MGA: variants seen among roughly 807,000 people sequenced by gnomAD.
The protein encoded by MGA is MAX gene-associated protein.
A neutral mutation model predicts 261.1 loss-of-function variants in MGA; 40 were observed. That is an observed-to-expected ratio of 0.15 (90% CI 0.12 to 0.20). The LOEUF (loss-of-function observed/expected upper bound fraction) is 0.20, where lower values mean the gene tolerates loss of function less well. Ranked by LOEUF, MGA falls within the 10% of genes least tolerant of loss-of-function variation. The pLI is 1.00. For missense variants in MGA, 3,397 were observed against 3,630.5 expected, an observed-to-expected ratio of 0.94 and a Z score of 1.65; for synonymous variants, 1,302 against 1,290.6, an observed-to-expected ratio of 1.01 and a Z score of -0.19.
intron 20 of MGA, 70 bp from the exon 21 acceptor site, chr15:41,761,669 T>C (rs2063467433): frequency 2.5e-6 from 2 of 801,212 alleles, no homozygotes; most frequent in Non-Finnish European, 3.7e-6. Context: ...TTAGAGAAAT[T>C]GTATAGGCCT....
intron 9 of MGA, among the ~76,000 whole-genome samples, chr15:41,718,154 CAG>C (rs1370928044): frequency 6.6e-6 from 1 of 150,918 alleles, no homozygotes; most frequent in East Asian, 1.9e-4. Context: ...TGCCATATAA[CAG>C]ATTAAATGAG....
chr15:41,743,116 C>G lies in MGA; in HGVS notation c.5156C>G (p.Ser1719Cys), dbSNP rs2062211458. The change falls in exon 15 of 24, where the codon TCT (serine) becomes TGT (cysteine). Residue 1719 changes from serine to cysteine, a missense_variant. This residue lies in a region of MGA where 1,410 missense variants were observed against 1,386.4 expected (regional missense o/e 1.02). Transcript: ENST00000219905. Reference sequence around the variant, plus strand: ...ACCACACCAACTTCATCTCTGGGCTCTGTTCCTATTATACTCTCAGGAATT... The same window carrying G: ...ACCACACCAACTTCATCTCTGGGCTGTGTTCCTATTATACTCTCAGGAATT... 3 of 1,613,678 alleles carry G rather than the reference C, an allele frequency of 1.9e-6. No individual in the cohort carries two copies. Among genetic ancestry groups the G allele is most frequent in the Middle Eastern group, 1.7e-4 (1 of 6,060 alleles).
chr15:41,635,955 A>G (rs1595549475), intron 1 of MGA, among the ~76,000 whole-genome samples: 1 of 152,208 alleles, frequency 6.6e-6, no homozygotes, highest in East Asian at 1.9e-4. Context: ...AATTACATAT[A>G]GTATATAATA....
rs371925319 is a variant in MGA, at chr15:41,750,355, C to T, written c.6748C>T (p.Pro2250Ser). 72 of 1,613,950 alleles carry T rather than the reference C, an allele frequency of 4.5e-5. No homozygotes were observed. The South Asian group carries it at 7.4e-4, about 16-fold the overall frequency. Reference sequence around the variant, plus strand: ...TGATTCTTGGAGTAGGATTTCTAATCCTTCAGCCTTCTCCATTGTTCCTAG... The same window carrying T: ...TGATTCTTGGAGTAGGATTTCTAATTCTTCAGCCTTCTCCATTGTTCCTAG... The change falls in exon 17 of 24, where the codon CCT becomes TCT. Residue 2250 changes from proline (P) to serine (S), a missense_variant. Physicochemically the swap from Pro to Ser is moderately conservative, Grantham distance 74. Around this residue, in one of 9 missense-constraint regions of MGA, gnomAD observed 1,410 missense variants for 1,386.4 expected, o/e 1.02. Coordinates refer to ENST00000219905, the MANE Select transcript of MGA (RefSeq NM_001164273.2).
rs1317644203 is a variant in MGA at position 41,769,446 on chromosome 15, A to G, written c.*2166A>G. 1.3e-5 allele frequency: 2 copies of G among 152,160 alleles called. No homozygotes were observed. The highest frequency in any genetic ancestry group is 3.4e-3 in the Middle Eastern group (1 of 294). The allele number at this position is 152,160 out of a possible 1,614,324, so 9.4% of individuals were successfully genotyped here. ...TTTTAGGGGGAAGGCTGCAGATACC[A>G]TTCTAACCCCCAAGATACTGTGTTC... On this transcript the variant is annotated 3_prime_UTR_variant, in exon 24 of 24. Coordinates refer to ENST00000219905, the MANE Select transcript of MGA (RefSeq NM_001164273.2).
rs527913668 is a variant in MGA, at chr15:41,693,046, C to T, written c.1065-3029C>T. ...ACAGATGAGGTTTCACCATGTTGCC[C>T]CCAGAGTGGTCTCAAACTCCTGAGC... is the stretch of plus-strand genomic sequence containing the variant. On this transcript the variant is annotated intron_variant, in intron 2 of 23. Coordinates refer to ENST00000219905, the MANE Select transcript of MGA (RefSeq NM_001164273.2). 2.0e-5 allele frequency among the ~76,000 whole-genome samples: 3 copies of T among 152,178 alleles called. No homozygotes were observed. The South Asian group carries it at 6.2e-4, about 32-fold the overall frequency.
At chr15:41,627,010 G>A (rs993333250) in intron 1 of MGA, among the ~76,000 whole-genome samples, 5 of 152,076 alleles carry the variant, frequency 3.3e-5, no homozygotes, top group Admixed American at 3.3e-4. Flanking sequence ...AATAACAGGT[G>A]ATTCTCGTGT....
chr15:41,718,235 A>G, intron 9 of MGA: 2 of 199,252 alleles, frequency 1.0e-5, no homozygotes, highest in Non-Finnish European at 2.0e-5. Context: ...CAAGATATAT[A>G]TCTATCTCAC....
chr15:41,655,200 A>T, intron 1 of MGA, among the ~76,000 whole-genome samples: 1 of 142,134 alleles, frequency 7.0e-6, no homozygotes, highest in African/African-American at 2.6e-5. Flanking sequence ...TTTTTTTGAG[A>T]CAGAGTCTTG....
intron 19 of MGA, among the ~76,000 whole-genome samples, chr15:41,759,226 T>A (rs1427739201): frequency 6.6e-6 from 1 of 152,106 alleles, no homozygotes; most frequent in Admixed American, 6.6e-5. Flanking sequence ...TGGTAAGACA[T>A]AAGAGTGATG....
chr15:41,645,037 A>G (rs2056908317), intron 1 of MGA, among the ~76,000 whole-genome samples: 1 of 152,242 alleles, frequency 6.6e-6, no homozygotes, highest in Admixed American at 6.5e-5. Context: ...CATTTTGGTA[A>G]TACATGTCTA....
chr15:41,758,458 AGTTT>A (rs969022887), intron 19 of MGA, among the ~76,000 whole-genome samples: 28 of 152,196 alleles, frequency 1.8e-4, no homozygotes, highest in African/African-American at 6.5e-4. Context: ...ATCATAGTGC[AGTTT>A]GTTTGGTTTT....
intron 18 of MGA, among the ~76,000 whole-genome samples, chr15:41,757,256 C>T (rs2063206313): frequency 2.0e-5 from 3 of 152,088 alleles, no homozygotes; most frequent in Admixed American, 2.0e-4. Context: ...TGGATTCACC[C>T]AACTGTGGAT....
chr15:41,709,527 C>A (rs750216192), intron 7 of MGA, among the ~76,000 whole-genome samples: 3 of 152,024 alleles, frequency 2.0e-5, no homozygotes, highest in Non-Finnish European at 4.4e-5. Flanking sequence ...TCACTGCAGC[C>A]TTGACCTCCT....
At chr15:41,746,544 CAAAAAA>C (rs869061461) in intron 15 of MGA, among the ~76,000 whole-genome samples, 1 of 61,852 alleles carries the variant, frequency 1.6e-5, no homozygotes, top group Admixed American at 1.8e-4. Flanking sequence ...GACTTCGTCT[CAAAAAA>C]AAAAAAAAAA....
At chr15:41,708,598 C>A (rs967840803) in intron 7 of MGA, among the ~76,000 whole-genome samples, 1 of 152,172 alleles carries the variant, frequency 6.6e-6, no homozygotes, top group Non-Finnish European at 1.5e-5. Flanking sequence ...GGATTACAGG[C>A]GTGAGCTGCC....
chr15:41,664,514 C>G (rs1036604403), intron 1 of MGA, among the ~76,000 whole-genome samples: 1 of 152,138 alleles, frequency 6.6e-6, no homozygotes, highest in African/African-American at 2.4e-5. Context: ...GGCACCTTTT[C>G]ATGTAATTTA....
chr15:41,661,706 T>C lies in MGA; in HGVS notation c.-68+1181T>C, dbSNP rs1260371110. On this transcript the variant is annotated intron_variant, in intron 1 of 23. Transcript: ENST00000219905. ...GTTGTTGTAGAGCTTGCCAGGCTTA[T>C]GCGGCTGAGTCCCTGGTTAACAACT... 2.0e-5 allele frequency among the ~76,000 whole-genome samples: 3 copies of C among 152,230 alleles called. No individual in the cohort carries two copies. The East Asian group carries it at 5.8e-4, about 29-fold the overall frequency.
intron 15 of MGA, among the ~76,000 whole-genome samples, chr15:41,746,619 T>C (rs1315642704): frequency 6.6e-6 from 1 of 151,402 alleles, no homozygotes; most frequent in East Asian, 1.9e-4. Flanking sequence ...TCATGAACAG[T>C]TTGGTTTTGT....
Sources: allele counts gnomAD v4.1 joint callset (sites outside exome capture counted in the v4.1 genomes callset), GRCh38; gene constraint gnomAD v4.1.1; regional missense constraint gnomAD v4.1.1; transcripts MANE v1.5; gene names NCBI Gene and HGNC (gene_info 2026-07-23, HGNC 2026-07-21).